Variants in ZNF138 observed in about 807,000 individuals in gnomAD.
The protein encoded by ZNF138 is zinc finger protein 138, also known as zinc finger protein 138 (clone pHZ-32).
A neutral mutation model predicts 33.0 loss-of-function variants in ZNF138; 33 were observed. The ratio of observed to expected loss-of-function variants is 1.00; its 90% CI spans 0.76 to 1.34. The LOEUF is 1.34. Ranked by LOEUF, ZNF138 falls within the 40% of genes most tolerant of loss-of-function variation. The pLI is 0.00. For synonymous variants in ZNF138, 139 were observed against 120.4 expected, an observed-to-expected ratio of 1.15 and a Z score of -1.01; for missense variants, 360 against 370.8, an observed-to-expected ratio of 0.97 and a Z score of 0.24.
intron 3 of ZNF138, among the ~76,000 whole-genome samples, chr7:64,821,040 T>TTTTTTTTG (rs1554367740): frequency 1.2e-5 from 1 of 86,574 alleles, no homozygotes; most frequent in Non-Finnish European, 2.2e-5. Flanking sequence ...TGATTGTTTT[T>TTTTTTTTG]TTTTGTTTTG....
chr7:64,845,605 G>C, the ZNF138 span, among the ~76,000 whole-genome samples: 1 of 152,086 alleles, frequency 6.6e-6, no homozygotes, highest in African/African-American at 2.4e-5. Context: ...TTGATTATTT[G>C]ATTATGGCAA....
rs866096527 is a variant in ZNF138 at position 64,808,737 on chromosome 7, C to T, written c.4-6181C>T. 2.6e-3 allele frequency among the ~76,000 whole-genome samples: 364 copies of T among 139,002 alleles called. 7 individuals are homozygous for T. Among genetic ancestry groups the T allele is most frequent in the African/African-American group, 7.8e-3 (313 of 39,992 alleles). The allele number at this position is 139,002 out of a possible 152,430, so 91.2% of individuals were successfully genotyped here. On this transcript the variant is annotated intron_variant, in intron 1 of 3. Coordinates refer to ENST00000307355, the MANE Select transcript of ZNF138 (RefSeq NM_001271639.2). ...TGGTTTTCCTAGGCAGAGGACCCTGCGGCCTTCCGCAGTGTTTGTGTCCCT... is the reference window on the plus strand; with the variant it reads ...TGGTTTTCCTAGGCAGAGGACCCTGTGGCCTTCCGCAGTGTTTGTGTCCCT...
At chr7:64,840,513 TTATG>T in the ZNF138 span, among the ~76,000 whole-genome samples, 1 of 152,212 alleles carries the variant, frequency 6.6e-6, no homozygotes, top group Non-Finnish European at 1.5e-5. Flanking sequence ...GTCATATAAT[TTATG>T]TATTAATCAG....
intron 3 of ZNF138, among the ~76,000 whole-genome samples, chr7:64,819,278 A>G (rs1022405171): frequency 1.3e-5 from 2 of 151,960 alleles, no homozygotes; most frequent in Non-Finnish European, 2.9e-5. Flanking sequence ...TAATCATGGA[A>G]ATAGTCTTAT....
intron 3 of ZNF138, among the ~76,000 whole-genome samples, chr7:64,818,204 TTGAACTCC>T (rs1217625875): frequency 6.6e-6 from 1 of 151,950 alleles, no homozygotes; most frequent in East Asian, 1.9e-4. Context: ...CAGGCTAGTC[TTGAACTCC>T]TGATCTCAAG....
the ZNF138 span, among the ~76,000 whole-genome samples, chr7:64,848,267 G>A: frequency 4.1e-4 from 62 of 152,036 alleles, no homozygotes; most frequent in African/African-American, 1.1e-3. Context: ...TCTCTTTCTC[G>A]TCAGAAACAC....
At chr7:64,852,781 T>A in the ZNF138 span, 1 of 843,070 alleles carries the variant, frequency 1.2e-6, no homozygotes, top group Non-Finnish European at 2.1e-6. Context: ...GCACATCCCC[T>A]GGTACTGCAT....
In ZNF138 at chr7:64,822,199, G is replaced by A. The variant is rs867223120; in HGVS notation, c.208+6546G>A. The stretch of plus-strand genomic sequence containing the variant: ...CTCCCAAAGTGCTGGGATTACAGGC[G>A]TGAGCCACCGTGCCTGGCCAATTTG... On this transcript the variant is annotated intron_variant, in intron 3 of 3. Transcript: ENST00000307355. Among the ~76,000 whole-genome samples, 57 of 151,536 alleles carry A rather than the reference G, an allele frequency of 3.8e-4. 1 individual carries two copies. The highest frequency in any genetic ancestry group is 1.1e-3 in the African/African-American group (47 of 40,958).
At chr7:64,802,848 AC>A in intron 1 of ZNF138, among the ~76,000 whole-genome samples, 2 of 150,778 alleles carry the variant, frequency 1.3e-5, no homozygotes, top group South Asian at 2.1e-4. Context: ...AGATACAGTC[AC>A]CCCCCTGCCC....
chr7:64,843,915 C>T, the ZNF138 span, among the ~76,000 whole-genome samples: 1 of 152,054 alleles, frequency 6.6e-6, no homozygotes. Flanking sequence ...TCCTTCACCT[C>T]CCCAGTCCAA....
At chr7:64,827,851 T>C (rs183487808) in intron 3 of ZNF138, among the ~76,000 whole-genome samples, 48 of 152,308 alleles carry the variant, frequency 3.2e-4, no homozygotes, top group Non-Finnish European at 3.5e-4. Context: ...GTATGCCACC[T>C]CACACCAATC....
chr7:64,840,723 T>TAA, the ZNF138 span, among the ~76,000 whole-genome samples: 61 of 151,850 alleles, frequency 4.0e-4, no homozygotes, highest in South Asian at 0.012. Flanking sequence ...CTTAAACATT[T>TAA]AAAAAAATTT....
At chr7:64,840,741 A>G in the ZNF138 span, among the ~76,000 whole-genome samples, 2 of 151,848 alleles carry the variant, frequency 1.3e-5, no homozygotes, top group African/African-American at 4.8e-5. Context: ...TTTGTTATGT[A>G]TTTTTCTTTG....
At chr7:64,798,562 C>T (rs1295553118) in intron 1 of ZNF138, among the ~76,000 whole-genome samples, 4 of 152,052 alleles carry the variant, frequency 2.6e-5, no homozygotes, top group South Asian at 4.1e-4. Flanking sequence ...GAGGCCAAGG[C>T]GGGTGGATCA....
chr7:64,797,987 C>G (rs2128983154), intron 1 of ZNF138, among the ~76,000 whole-genome samples: 1 of 152,230 alleles, frequency 6.6e-6, no homozygotes, highest in South Asian at 2.1e-4. Flanking sequence ...GTTGCCCAGG[C>G]TGGAGTGCAG....
At chr7:64,810,277 G>C (rs577870184) in intron 1 of ZNF138, among the ~76,000 whole-genome samples, 3 of 150,796 alleles carry the variant, frequency 2.0e-5, no homozygotes, top group Admixed American at 6.6e-5. Context: ...CCGACACAGC[G>C]AAACCCCGTC....
chr7:64,852,131 A>G, the ZNF138 span, among the ~76,000 whole-genome samples: 1 of 152,250 alleles, frequency 6.6e-6, no homozygotes, highest in African/African-American at 2.4e-5. Flanking sequence ...GTGTCTAAAG[A>G]TTCAAAATGT....
chr7:64,838,299 G>A (rs543447764), downstream of ZNF138, among the ~76,000 whole-genome samples: 15 of 152,300 alleles, frequency 9.8e-5, no homozygotes, highest in East Asian at 1.2e-3. Flanking sequence ...GTTAGGGCAC[G>A]GGCGTGTTGG....
At chr7:64,814,882 A>C in intron 1 of ZNF138, 36 bp from the exon 2 acceptor site, 1 of 1,607,866 alleles carries the variant, frequency 6.2e-7, no homozygotes, top group Non-Finnish European at 8.5e-7. Flanking sequence ...CTACTTGGTT[A>C]ATGTGTGTGT....
Sources: allele counts gnomAD v4.1 joint callset (sites outside exome capture counted in the v4.1 genomes callset), GRCh38; gene constraint gnomAD v4.1.1; transcripts MANE v1.5; gene names NCBI Gene and HGNC (gene_info 2026-07-23, HGNC 2026-07-21).